DIAPH3: variants seen among roughly 807,000 people sequenced by gnomAD.
DIAPH3 encodes diaphanous related formin 3.
A neutral mutation model predicts 144.3 loss-of-function variants in DIAPH3; 117 were observed. The observed-to-expected ratio is 0.81, with a 90% confidence interval of 0.70 to 0.95. The LOEUF is 0.95. Ranked by LOEUF, DIAPH3 falls within the 40% of genes least tolerant of loss-of-function variation. DIAPH3 has a pLI of 0.00. For synonymous variants in DIAPH3, 519 were observed against 488.9 expected, an observed-to-expected ratio of 1.06 and a Z score of -0.81; for missense variants, 1,421 against 1,412.7, an observed-to-expected ratio of 1.01 and a Z score of -0.09.
intron 27 of DIAPH3, among the ~76,000 whole-genome samples, chr13:59,737,075 T>C (rs1201838306): frequency 6.6e-6 from 1 of 152,074 alleles, no homozygotes; most frequent in Admixed American, 6.5e-5. Flanking sequence ...GCAATACCAT[T>C]CAGGACATAA....
At chr13:59,756,730 G>A (rs1020132957) in intron 27 of DIAPH3, among the ~76,000 whole-genome samples, 1 of 152,056 alleles carries the variant, frequency 6.6e-6, no homozygotes, top group African/African-American at 2.4e-5. Flanking sequence ...CCCATCTGAG[G>A]TTCCAGCTAT....
At chr13:59,949,081 C>T (rs938564163) in intron 17 of DIAPH3, among the ~76,000 whole-genome samples, 6 of 152,122 alleles carry the variant, frequency 3.9e-5, no homozygotes, top group African/African-American at 1.4e-4. Flanking sequence ...AAAAAACAGA[C>T]TGGTCATTTT....
In DIAPH3 at chr13:60,163,849, T is replaced by G; in HGVS notation, c.-83A>C. The G allele has an allele frequency of 6.6e-7, 1 of 1,504,190 alleles. No individual in the cohort carries two copies. Among genetic ancestry groups the G allele is most frequent in the South Asian group, 1.2e-5 (1 of 80,970 alleles). 93.2% of individuals were successfully genotyped at this position (1,504,190 alleles called of 1,614,324 possible). Reference sequence around the variant, plus strand: ...GGAAGCTGAGGGATCGACAACAGGTTTTACTCCCGGGGTCCGCCACCCAAA... The same window carrying G: ...GGAAGCTGAGGGATCGACAACAGGTGTTACTCCCGGGGTCCGCCACCCAAA... On this transcript the variant is annotated 5_prime_UTR_variant, in exon 1 of 28. Coordinates refer to ENST00000400324, the MANE Select transcript of DIAPH3 (RefSeq NM_001042517.2).
At chr13:60,065,731 A>G (rs879432669) in intron 4 of DIAPH3, among the ~76,000 whole-genome samples, 3 of 152,194 alleles carry the variant, frequency 2.0e-5, no homozygotes, top group Non-Finnish European at 4.4e-5. Context: ...TAAATATGCT[A>G]TCTTCCAGGC....
intron 27 of DIAPH3, among the ~76,000 whole-genome samples, chr13:59,750,447 G>C (rs1385044965): frequency 6.6e-6 from 1 of 152,030 alleles, no homozygotes; most frequent in Admixed American, 6.5e-5. Context: ...CTACTTTCCA[G>C]GTTTAAGAAC....
intron 14 of DIAPH3, among the ~76,000 whole-genome samples, chr13:59,977,795 G>A (rs2050761423): frequency 6.6e-6 from 1 of 151,778 alleles, no homozygotes; most frequent in African/African-American, 2.4e-5. Context: ...GAAAAAAAGT[G>A]TTGTTATTTG....
intron 17 of DIAPH3, among the ~76,000 whole-genome samples, chr13:59,927,104 A>T (rs183799034): frequency 1.3e-5 from 2 of 149,132 alleles, no homozygotes; most frequent in East Asian, 3.9e-4. Context: ...TCTTTTTGAC[A>T]AAGTCTGTTT....
In DIAPH3 at chr13:59,992,514, T is replaced by G. The variant is rs1218244874; in HGVS notation, c.1084A>C (p.Arg362=). 11 of 1,612,274 alleles carry G rather than the reference T, an allele frequency of 6.8e-6. 1 individual carries two copies. The highest frequency in any genetic ancestry group is 3.3e-4 in the Middle Eastern group (2 of 6,048). Residue 362 remains arginine (R), a synonymous_variant, in exon 10 of 28, where the codon AGA becomes CGA. Transcript: ENST00000400324. ...AATCCACAACGCATAAATTCATTTC[T>G]GATGTGAAGCCTGAAATCCAAATCA... ...PDDLDFRLHI[R]NEFMRCGLKE...
At chr13:60,005,432 G>T (rs760128482) in intron 9 of DIAPH3, among the ~76,000 whole-genome samples, 1 of 152,064 alleles carries the variant, frequency 6.6e-6, no homozygotes, top group Non-Finnish European at 1.5e-5. Context: ...AATTGACTGT[G>T]GTAAAGATTC....
At chr13:59,766,570 T>G (rs17057208) in intron 27 of DIAPH3, among the ~76,000 whole-genome samples, 6,677 of 152,270 alleles carry the variant, frequency 0.044, 240 homozygotes, top group South Asian at 0.11. Flanking sequence ...GCTCTGCACC[T>G]ATGCTTTCAT....
chr13:59,760,390 A>G (rs560038867), intron 27 of DIAPH3, among the ~76,000 whole-genome samples: 1 of 152,354 alleles, frequency 6.6e-6, no homozygotes, highest in Non-Finnish European at 1.5e-5. Context: ...AACTATATTA[A>G]TAAGATGTGA....
rs1338264768 is a variant in DIAPH3, at chr13:59,970,143, T to C, written c.1960-85A>G. The C allele has an allele frequency of 1.9e-5, 12 of 635,912 alleles. No homozygotes were observed. In the Admixed American group the frequency reaches 1.9e-4, roughly 10 times the overall value. The allele number at this position is 635,912 out of a possible 1,614,324, so 39.4% of individuals were successfully genotyped here. On this transcript the variant is annotated intron_variant, in intron 16 of 27. Transcript: ENST00000400324. ...AGCACTATGCATACACTGAGTATCA[T>C]AGCTGTCAGCAGATATTTATAAAGT... is the stretch of plus-strand genomic sequence containing the variant.
At chr13:59,943,564 C>G (rs1046832771) in intron 17 of DIAPH3, among the ~76,000 whole-genome samples, 1 of 152,188 alleles carries the variant, frequency 6.6e-6, no homozygotes, top group African/African-American at 2.4e-5. Flanking sequence ...TCCCAAATCA[C>G]TGAGTTAGGC....
At chr13:59,931,558 G>A (rs1384972383) in intron 17 of DIAPH3, among the ~76,000 whole-genome samples, 3 of 152,110 alleles carry the variant, frequency 2.0e-5, no homozygotes, top group African/African-American at 7.2e-5. Context: ...ATCCTTAGAG[G>A]CAGAAACTTT....
rs557030744 is a variant in DIAPH3 at position 59,832,633 on chromosome 13, C to T, written c.3027+474G>A. On this transcript the variant is annotated intron_variant, in intron 24 of 27. Transcript: ENST00000400324. ...ATTCCACATCAAAGACCTGACCTCC[C>T]TATTAAAGTATCCTAAAGGAAACCC... is the stretch of plus-strand genomic sequence containing the variant. 1.8e-4 allele frequency among the ~76,000 whole-genome samples: 28 copies of T among 151,800 alleles called. No individual in the cohort carries two copies. The South Asian group carries it at 5.6e-3, about 30-fold the overall frequency.
intron 9 of DIAPH3, among the ~76,000 whole-genome samples, chr13:59,995,892 A>G (rs1047353857): frequency 6.6e-6 from 1 of 152,054 alleles, no homozygotes; most frequent in Non-Finnish European, 1.5e-5. Context: ...AGTATAGAGG[A>G]AAAAGGAGGT....
At chr13:59,855,737 A>C (rs2043218892) in intron 22 of DIAPH3, among the ~76,000 whole-genome samples, 1 of 150,258 alleles carries the variant, frequency 6.7e-6, no homozygotes, top group African/African-American at 2.4e-5. Context: ...AGGAAAATGA[A>C]AAAAAAAAAG....
intron 12 of DIAPH3, among the ~76,000 whole-genome samples, chr13:59,987,182 G>A (rs2051452189): frequency 2.0e-5 from 3 of 151,838 alleles, no homozygotes; most frequent in East Asian, 1.9e-4. Context: ...GTAGGGACAT[G>A]GATGAAATTG....
At chr13:59,988,171 T>G (rs1490344798) in intron 12 of DIAPH3, among the ~76,000 whole-genome samples, 1 of 151,818 alleles carries the variant, frequency 6.6e-6, no homozygotes, top group East Asian at 1.9e-4. Flanking sequence ...GTGAAAATGT[T>G]TAAGAAACGG....
Sources: allele counts gnomAD v4.1 joint callset (sites outside exome capture counted in the v4.1 genomes callset), GRCh38; gene constraint gnomAD v4.1.1; transcripts MANE v1.5; gene names NCBI Gene and HGNC (gene_info 2026-07-23, HGNC 2026-07-21).